Variants in CEP68 observed in about 807,000 individuals in gnomAD.
CEP68 encodes centrosomal protein 68.
CEP68 carries 26 observed loss-of-function variants against 55.3 expected under a neutral mutation model. The observed-to-expected ratio is 0.47, with a 90% confidence interval of 0.34 to 0.65. The LOEUF is 0.65. CEP68 is among the 30% of genes least tolerant of loss of function. CEP68 has a pLI of 0.01. For missense variants in CEP68, 957 were observed against 946.7 expected, an observed-to-expected ratio of 1.01 and a Z score of -0.14; for synonymous variants, 402 against 383.2, an observed-to-expected ratio of 1.05 and a Z score of -0.57.
rs777678975 is a variant in CEP68, at chr2:65,072,578, C to G, written c.1482C>G (p.Ser494Arg). The G allele has an allele frequency of 1.2e-5, 19 of 1,614,062 alleles. No individual in the cohort carries two copies. Among genetic ancestry groups the G allele is most frequent in the Non-Finnish European group, 1.5e-5 (18 of 1,180,006 alleles). The stretch of plus-strand genomic sequence containing the variant: ...CCGCTCGGCTGACACAGGTTTCTAG[C>G]CTGGTTTCGTATCTAGGATCCATTT... ...ALPARLTQVS[S>R]LVSYLGSIST... The change falls in exon 3 of 7, where the codon AGC (serine) becomes AGG (arginine). Residue 494 changes from serine (S) to arginine (R), a missense_variant. By Grantham distance (110) the Ser-to-Arg change is moderately radical (BLOSUM62 -1). Transcript: ENST00000377990.
chr2:65,078,640 C>T (rs1558568031), intron 5 of CEP68, among the ~76,000 whole-genome samples: 1 of 152,238 alleles, frequency 6.6e-6, no homozygotes, highest in Non-Finnish European at 1.5e-5. Flanking sequence ...CTCCCAGGTT[C>T]AAGTGATTCT....
chr2:65,062,578 G>A (rs979395933), intron 1 of CEP68, among the ~76,000 whole-genome samples: 53 of 147,710 alleles, frequency 3.6e-4, no homozygotes, highest in Non-Finnish European at 4.9e-4. Context: ...GCTTATATCT[G>A]TAAACCCAGC....
At chr2:65,071,052 C>T in intron 2 of CEP68, 1 of 219,962 alleles carries the variant, frequency 4.5e-6, no homozygotes, top group Middle Eastern at 1.8e-3. Context: ...AGGATGGGGT[C>T]TGGGGCGACC....
intron 5 of CEP68, among the ~76,000 whole-genome samples, chr2:65,081,707 T>C (rs1274932653): frequency 6.6e-6 from 1 of 151,298 alleles, no homozygotes; most frequent in African/African-American, 2.5e-5. Context: ...TTGTTTTGTT[T>C]TGTTTTTGAG....
At chr2:65,067,292 A>G (rs1373688758) in intron 1 of CEP68, among the ~76,000 whole-genome samples, 1 of 152,114 alleles carries the variant, frequency 6.6e-6, no homozygotes, top group Non-Finnish European at 1.5e-5. Context: ...AGGTAGGAGA[A>G]TCGCTTGAAC....
At chr2:65,074,026 T>C (rs1325210941) in intron 3 of CEP68, 2 of 426,164 alleles carry the variant, frequency 4.7e-6, no homozygotes, top group East Asian at 4.7e-5. Context: ...GCACGCCTCT[T>C]CTGGGCTGCT....
rs182870119 is a variant in CEP68 at position 65,084,128 on chromosome 2, T to G, written c.*494T>G. 6.6e-6 allele frequency: 1 copy of G among 152,184 alleles called. No individual in the cohort carries two copies. Among genetic ancestry groups the G allele is most frequent in the Non-Finnish European group, 1.5e-5 (1 of 68,030 alleles). The allele number at this position is 152,184 out of a possible 1,614,324, so 9.4% of individuals were successfully genotyped here. ...GTCAATCCCTCTTTAAAGATATAGGTAGAAAGAAGAGATTTTTAACCCTTT... is the reference window on the plus strand; with the variant it reads ...GTCAATCCCTCTTTAAAGATATAGGGAGAAAGAAGAGATTTTTAACCCTTT... On this transcript the variant is annotated 3_prime_UTR_variant, in exon 7 of 7. Coordinates refer to ENST00000377990, the MANE Select transcript of CEP68 (RefSeq NM_015147.3).
chr2:65,074,041 T>A, intron 3 of CEP68: 1 of 468,276 alleles, frequency 2.1e-6, no homozygotes, highest in African/African-American at 2.0e-5. Context: ...GCTGCTCCAT[T>A]CCTACCTGCA....
intron 5 of CEP68, chr2:65,080,548 G>C (rs1676962998): frequency 1.0e-6 from 1 of 985,062 alleles, no homozygotes; most frequent in Non-Finnish European, 1.2e-6. Flanking sequence ...TCCGTGCGCA[G>C]TGGCTCACGC....
In CEP68 at chr2:65,081,462, A is replaced by G. The variant is rs184340433; in HGVS notation, c.2105-1074A>G. ...ATAAGCTTCCTCTTTCCCTTCCTCT[A>G]CTGACAGATGTTACAGCTGTGGCAG... On this transcript the variant is annotated intron_variant, in intron 5 of 6. Transcript: ENST00000377990. Among the ~76,000 whole-genome samples, 495 of 151,938 alleles carry G rather than the reference A, an allele frequency of 3.3e-3. 1 individual carries two copies. The highest frequency in any genetic ancestry group is 0.011 in the African/African-American group (474 of 41,400).
chr2:65,071,104 G>C, intron 2 of CEP68: 1 of 288,142 alleles, frequency 3.5e-6, no homozygotes, highest in Admixed American at 4.9e-5. Context: ...GAGTGATTGA[G>C]GGTTTCATCT....
In CEP68 at chr2:65,086,583, A is replaced by C. The variant is rs1384146556; in HGVS notation, c.*2949A>C. On this transcript the variant is annotated 3_prime_UTR_variant, in exon 7 of 7. Transcript: ENST00000377990. ...CTTAAGTTCATGTAATGTTTCCGCT[A>C]ACTCACCAAGAATAAGCTGACAATT... The C allele has an allele frequency of 1.3e-5, 2 of 152,232 alleles. No individual in the cohort carries two copies. Among genetic ancestry groups the C allele is most frequent in the Admixed American group, 6.5e-5 (1 of 15,276 alleles). The allele number at this position is 152,232 out of a possible 1,614,324, so 9.4% of individuals were successfully genotyped here. A position where few individuals can be genotyped will look rare whatever the true frequency, so the allele number is the denominator to read the frequency against.
intron 1 of CEP68, among the ~76,000 whole-genome samples, chr2:65,069,031 T>C (rs987873344): frequency 6.6e-6 from 1 of 152,018 alleles, no homozygotes; most frequent in African/African-American, 2.4e-5. Flanking sequence ...TATGGGCCTG[T>C]GCACAGGAAG....
In CEP68 at chr2:65,072,316, G is replaced by A; in HGVS notation, c.1220G>A (p.Arg407Lys). ...LASTPRAPGS[R>K]DARWERREPA... Reference sequence around the variant, plus strand: ...TCTACCCCCAGAGCCCCAGGCAGTAGGGATGCTCGTTGGGAGCGCAGAGAG... The same window carrying A: ...TCTACCCCCAGAGCCCCAGGCAGTAAGGATGCTCGTTGGGAGCGCAGAGAG... Residue 407 changes from arginine to lysine, a missense_variant, in exon 3 of 7, where the codon AGG becomes AAG. By Grantham distance (26) the Arg-to-Lys change is conservative. Transcript: ENST00000377990. 6.2e-7 allele frequency: 1 copy of A among 1,614,042 alleles called. No homozygotes were observed. The highest frequency in any genetic ancestry group is 8.5e-7 in the Non-Finnish European group (1 of 1,180,026).
intron 4 of CEP68, among the ~76,000 whole-genome samples, chr2:65,077,441 A>G (rs1676818311): frequency 6.6e-6 from 1 of 152,192 alleles, no homozygotes; most frequent in Non-Finnish European, 1.5e-5. Context: ...GAGCAAAGAC[A>G]TGGAGGGAGG....
intron 1 of CEP68, among the ~76,000 whole-genome samples, chr2:65,062,328 G>A (rs1675948302): frequency 6.6e-6 from 1 of 152,216 alleles, no homozygotes; most frequent in Non-Finnish European, 1.5e-5. Context: ...GAGGCCGGGA[G>A]TTCGAGAGCA....
intron 4 of CEP68, chr2:65,074,842 A>G (rs781124512): frequency 8.5e-5 from 21 of 246,714 alleles, no homozygotes; most frequent in Non-Finnish European, 1.2e-4. Context: ...TAATTTTCCA[A>G]ATGTCTCAGG....
Position 65,071,608 on chromosome 2 carries a change from A to G in CEP68, c.512A>G (p.His171Arg), listed in dbSNP as rs1676465478. ...PQALDLSQQP[H>R]SSGLSCLSQW... is the part of the protein sequence containing the mutation. ...GCACTGGACCTCAGCCAGCAGCCTC[A>G]CAGCTCAGGTCTCTCTTGCCTGTCA... The change falls in exon 3 of 7, where the codon CAC becomes CGC. Residue 171 changes from histidine to arginine, a missense_variant. His to Arg is a conservative substitution (Grantham distance 29). Coordinates refer to ENST00000377990, the MANE Select transcript of CEP68 (RefSeq NM_015147.3). The G allele has an allele frequency of 1.2e-6, 2 of 1,614,052 alleles. No individual in the cohort carries two copies. Among genetic ancestry groups the G allele is most frequent in the East Asian group, 4.5e-5 (2 of 44,872 alleles).
chr2:65,072,492 A>G lies in CEP68; in HGVS notation c.1396A>G (p.Thr466Ala). Reference sequence around the variant, plus strand: ...CCAGAGTGCCCGGCGCCCTACCTGCACAGAGTCTAGGTGGAAATCAGAAGA... The same window carrying G: ...CCAGAGTGCCCGGCGCCCTACCTGCGCAGAGTCTAGGTGGAAATCAGAAGA... ...TSQSARRPTC[T>A]ESRWKSEEEV... Residue 466 changes from threonine to alanine, a missense_variant, in exon 3 of 7, where the codon ACA (threonine) becomes GCA (alanine). Coordinates refer to ENST00000377990, the MANE Select transcript of CEP68 (RefSeq NM_015147.3). 1.2e-6 allele frequency: 2 copies of G among 1,614,090 alleles called. No individual in the cohort carries two copies. The highest frequency in any genetic ancestry group is 1.7e-6 in the Non-Finnish European group (2 of 1,180,020).
Sources: allele counts gnomAD v4.1 joint callset (sites outside exome capture counted in the v4.1 genomes callset), GRCh38; gene constraint gnomAD v4.1.1; transcripts MANE v1.5; gene names NCBI Gene and HGNC (gene_info 2026-07-23, HGNC 2026-07-21).